SYNE2: variants seen among roughly 807,000 people sequenced by gnomAD.
SYNE2 encodes spectrin repeat containing nuclear envelope protein 2.
In SYNE2, 431 loss-of-function variants were observed where a neutral mutation model predicts 856.3. That is an observed-to-expected ratio of 0.50 (90% confidence interval 0.47 to 0.55). The LOEUF is 0.55. Among genes scored for constraint, SYNE2 ranks in the 20% least tolerant of loss-of-function variants. SYNE2 has a pLI of 0.00. For synonymous variants in SYNE2, 2,923 were observed against 2,872.3 expected (o/e 1.02, Z -0.56); for missense variants, 8,129 against 8,023.2 (o/e 1.01, Z -0.50).
intron 74 of SYNE2, 128 bp downstream of exon 74, chr14:64,128,681 A>G: frequency 1.4e-6 from 1 of 699,496 alleles, no homozygotes; most frequent in South Asian, 1.6e-5. Context: ...AAAAAATGAG[A>G]ACTATTTATG....
At chr14:63,874,323 T>C (rs143090883) in intron 1 of SYNE2, among the ~76,000 whole-genome samples, 47 of 152,312 alleles carry the variant, frequency 3.1e-4, no homozygotes, top group African/African-American at 1.1e-3. Context: ...TTCCTTGTTA[T>C]TTGTAGACTA....
At chr14:63,814,466 T>TAATATATAATATATATGTC (rs1555340975) in intron 1 of SYNE2, among the ~76,000 whole-genome samples, 1 of 132,628 alleles carries the variant, frequency 7.5e-6, no homozygotes, top group Non-Finnish European at 1.6e-5. Context: ...TCCTTATATA[T>TAATATATAATATATATGTC]CATATATAAT....
At chr14:63,772,559 C>T (rs918203301) in intron 1 of SYNE2, among the ~76,000 whole-genome samples, 4 of 151,438 alleles carry the variant, frequency 2.6e-5, no homozygotes, top group East Asian at 2.0e-4. Flanking sequence ...CTGGCCAACA[C>T]GGTGAAACCC....
At position 64,139,957 on chromosome 14, in the gene SYNE2, G is replaced by C; in HGVS notation, c.14860G>C (p.Asp4954His). Residue 4954 changes from aspartate to histidine, a missense_variant, in exon 80 of 116, where the codon GAT (aspartate) becomes CAT (histidine). Transcript: ENST00000555002. ...TCCTGTTAGTTATAACAGAGATTCG[G>C]ATCAGTTAACCAAGTGGTTGGAATC... The part of the protein sequence containing the change: ...KHLLSYNRDS[D>H]QLTKWLESSQ... The C allele has an allele frequency of 1.2e-6, 2 of 1,614,046 alleles. No homozygotes were observed. The highest frequency in any genetic ancestry group is 8.5e-7 in the Non-Finnish European group (1 of 1,179,996).
chr14:63,900,888 A>G (rs1054273960), intron 1 of SYNE2, among the ~76,000 whole-genome samples: 1 of 152,206 alleles, frequency 6.6e-6, no homozygotes, highest in Non-Finnish European at 1.5e-5. Context: ...TAGCTCTACA[A>G]TTTAACTGAT....
chr14:63,927,598 T>C (rs1341709151), intron 2 of SYNE2, among the ~76,000 whole-genome samples: 2 of 151,916 alleles, frequency 1.3e-5, no homozygotes, highest in Non-Finnish European at 2.9e-5. Context: ...TGCCACCATA[T>C]AAGACATGCC....
intron 93 of SYNE2, among the ~76,000 whole-genome samples, chr14:64,169,441 AG>A (rs1459423651): frequency 6.6e-6 from 1 of 152,260 alleles, no homozygotes; most frequent in African/African-American, 2.4e-5. Flanking sequence ...GTCACTGGGC[AG>A]TGCCAATCAG....
intron 56 of SYNE2, 73 bp from the exon 57 acceptor site, chr14:64,081,370 A>G: frequency 6.3e-7 from 1 of 1,595,130 alleles, no homozygotes; most frequent in Middle Eastern, 1.8e-4. Context: ...ACAGCTATTG[A>G]CTCTTCATCT....
chr14:64,139,916 T>C (rs1567432453), intron 79 of SYNE2, 25 bp from the exon 80 acceptor site: 2 of 1,613,730 alleles, frequency 1.2e-6, no homozygotes, highest in Non-Finnish European at 1.7e-6. Context: ...CTAATCTGCC[T>C]TCTCTCTCAC....
At chr14:64,074,507 A>G (rs1204634230) in intron 53 of SYNE2, among the ~76,000 whole-genome samples, 2 of 152,204 alleles carry the variant, frequency 1.3e-5, no homozygotes, top group African/African-American at 4.8e-5. Context: ...TGTACACCCT[A>G]CAGGTCATCT....
intron 1 of SYNE2, among the ~76,000 whole-genome samples, chr14:63,800,277 A>G (rs1249951485): frequency 6.6e-6 from 1 of 151,778 alleles, no homozygotes; most frequent in African/African-American, 2.4e-5. Context: ...AGGCTGGAGT[A>G]CAGTGGTGCT....
rs759939451 is a variant in SYNE2, at chr14:64,020,061, C to G, written c.5119C>G (p.Leu1707Val). The stretch of plus-strand genomic sequence containing the variant: ...AAGAGTGGCTGAAATACAGTTTTTG[C>G]TCCAAAGCAGTGAAATACCTCTTGA... Reference protein sequence around the residue: ...SRRVAEIQFLLQSSEIPLELQ... With the variant: ...SRRVAEIQFLVQSSEIPLELQ... The change falls in exon 35 of 116, where the codon CTC becomes GTC. Residue 1707 changes from leucine (L) to valine (V), a missense_variant. Physicochemically the swap from Leu to Val is conservative, Grantham distance 32. Transcript: ENST00000555002. The G allele has an allele frequency of 3.7e-6, 6 of 1,613,710 alleles. No homozygotes were observed. In the African/African-American group the frequency reaches 8.0e-5, roughly 22 times the overall value.
chr14:63,778,981 T>G lies in SYNE2; in HGVS notation c.-305+16995T>G, dbSNP rs2139730057. On this transcript the variant is annotated intron_variant, in intron 1 of 23. Transcript: ENST00000674003. The stretch of plus-strand genomic sequence containing the variant: ...AGCCTATAAGCACATACAATTTTAT[T>G]TCATCAATGTTACCTCAGTAAAGCT... 1.3e-5 allele frequency among the ~76,000 whole-genome samples: 2 copies of G among 152,130 alleles called. 1 individual carries two copies. The highest frequency in any genetic ancestry group is 6.8e-3 in the Middle Eastern group (2 of 294).
rs184500091 is a variant in SYNE2, at chr14:63,876,289, C to G, written c.-52+23146C>G. ...AAAGTTAGCGGGGTGTGTTGGCACA[C>G]GCCTGTAATTCCAGCTACTTGGGAG... On this transcript the variant is annotated intron_variant, in intron 1 of 115. Transcript: ENST00000555002. Among the ~76,000 whole-genome samples, 3 of 150,356 alleles carry G rather than the reference C, an allele frequency of 2.0e-5. No homozygotes were observed. In the South Asian group the frequency reaches 6.3e-4, roughly 32 times the overall value.
At chr14:64,186,334 A>G in intron 96 of SYNE2, 90 bp from the exon 97 acceptor site, 1 of 1,540,536 alleles carries the variant, frequency 6.5e-7, no homozygotes, top group Non-Finnish European at 9.0e-7. Flanking sequence ...CCCCTCCCCC[A>G]GAGTCTAATC....
chr14:64,128,591 G>A, intron 74 of SYNE2, 38 bp downstream of exon 74: 1 of 1,269,534 alleles, frequency 7.9e-7, no homozygotes, highest in Non-Finnish European at 1.2e-6. Context: ...ACTTAACTTT[G>A]AACCACAGAG....
Position 64,163,501 on chromosome 14 carries a change from C to T in SYNE2, c.16399C>T (p.Leu5467Phe), listed in dbSNP as rs201189119. 2.8e-5 allele frequency: 45 copies of T among 1,614,154 alleles called. No individual in the cohort carries two copies. The highest frequency in any genetic ancestry group is 3.7e-5 in the Non-Finnish European group (44 of 1,180,040). ...ACCCGCAGAGTCCAGCACCCACATG[C>T]TCCTCCCGGGCCCCCTGCACTCTCT... Reference protein sequence around the residue: ...PQPAESSTHMLLPGPLHSLQR... With the variant: ...PQPAESSTHMFLPGPLHSLQR... Residue 5467 changes from leucine (L) to phenylalanine (F), a missense_variant, in exon 89 of 116, where the codon CTC (leucine) becomes TTC (phenylalanine). This residue lies in a region of SYNE2 where 5,410 missense variants were observed against 5,284.8 expected (regional missense o/e 1.02). Coordinates refer to ENST00000555002, the MANE Select transcript of SYNE2 (RefSeq NM_182914.3).
rs369303929 is a variant in SYNE2 at position 64,143,961 on chromosome 14, G to T, written c.15483+13G>T. 1.2e-6 allele frequency: 2 copies of T among 1,613,996 alleles called. No individual in the cohort carries two copies. The highest frequency in any genetic ancestry group is 1.7e-6 in the Non-Finnish European group (2 of 1,179,928). ...GCTGAATAGAAAGGTGTGTTCCTGC[G>T]TCACAACTGGATGTGTGGTTTGACC... On this transcript the variant is annotated intron_variant, in intron 83 of 115. Coordinates refer to ENST00000555002, the MANE Select transcript of SYNE2 (RefSeq NM_182914.3).
intron 6 of SYNE2, among the ~76,000 whole-genome samples, chr14:63,946,540 T>TTA: frequency 6.8e-6 from 1 of 147,912 alleles, no homozygotes; most frequent in East Asian, 2.0e-4. Flanking sequence ...AGTATATACA[T>TTA]TATATATATT....
Sources: gnomAD v4.1 joint callset for allele counts (sites outside exome capture counted in the v4.1 genomes callset) on GRCh38, gnomAD v4.1.1 for gene constraint, gnomAD v4.1.1 regional missense constraint, MANE v1.5 for transcripts, NCBI Gene and HGNC (gene_info 2026-07-23, HGNC 2026-07-21) for gene names.